Variants in CD2AP observed in about 807,000 individuals in gnomAD.
CD2AP encodes the protein CD2-associated protein.
CD2AP carries 46 observed loss-of-function variants against 85.1 expected under a neutral mutation model. The ratio of observed to expected loss-of-function variants is 0.54; its 90% confidence interval spans 0.43 to 0.69. The LOEUF (loss-of-function observed/expected upper bound fraction) is 0.69, where lower values mean the gene tolerates loss of function less well. CD2AP is among the 30% of genes least tolerant of loss of function. The pLI, the probability that CD2AP is intolerant of heterozygous loss-of-function variation, is 0.00. For missense variants in CD2AP, 769 were observed against 729.5 expected (o/e 1.05, Z -0.62); for synonymous variants, 255 against 252.9 (o/e 1.01, Z -0.08).
chr6:47,605,893 G>T lies in CD2AP; in HGVS notation c.1418-272G>T, dbSNP rs563927808. Among the ~76,000 whole-genome samples the T allele has an allele frequency of 5.9e-5, 9 of 151,828 alleles. No individual in the cohort carries two copies. The East Asian group carries it at 1.7e-3, about 29-fold the overall frequency. On this transcript the variant is annotated intron_variant, in intron 13 of 17. Coordinates refer to ENST00000359314, the MANE Select transcript of CD2AP (RefSeq NM_012120.3). ...ATTTATTTTTCACCAAGTACTTTTT[G>T]TTGAGATCTAGGTCTCTATTGGAAA...
chr6:47,582,932 G>A (rs972872972), intron 11 of CD2AP, among the ~76,000 whole-genome samples: 2 of 151,614 alleles, frequency 1.3e-5, no homozygotes, highest in South Asian at 2.1e-4. Flanking sequence ...ACAGGCACCC[G>A]CCACCACGCC....
chr6:47,600,901 A>G (rs565569613), intron 13 of CD2AP, among the ~76,000 whole-genome samples: 2 of 151,838 alleles, frequency 1.3e-5, no homozygotes, highest in Non-Finnish European at 2.9e-5. Context: ...TTAAATTTTC[A>G]CAAATTTGGG....
At chr6:47,585,784 C>G (rs907536975) in intron 11 of CD2AP, among the ~76,000 whole-genome samples, 1 of 152,174 alleles carries the variant, frequency 6.6e-6, no homozygotes, top group African/African-American at 2.4e-5. Context: ...AGGTGAAGCA[C>G]TCTTTGTAAC....
At chr6:47,490,853 G>A (rs1418678765) in intron 1 of CD2AP, among the ~76,000 whole-genome samples, 2 of 152,108 alleles carry the variant, frequency 1.3e-5, no homozygotes, top group Non-Finnish European at 2.9e-5. Flanking sequence ...GAGGAAGGGT[G>A]GGTTTTGTGT....
At chr6:47,600,106 T>G (rs1769090098) in intron 13 of CD2AP, among the ~76,000 whole-genome samples, 1 of 151,906 alleles carries the variant, frequency 6.6e-6, no homozygotes, top group African/African-American at 2.4e-5. Context: ...GTGTAGTGCT[T>G]TTTGCATTTG....
chr6:47,544,511 TTATA>T, intron 3 of CD2AP, 91 bp from the exon 4 acceptor site: 4 of 811,954 alleles, frequency 4.9e-6, no homozygotes, highest in Admixed American at 2.0e-5. Context: ...TTTTATTTAT[TTATA>T]TAAGTCCTGT....
chr6:47,495,184 CT>C (rs1765828364), intron 1 of CD2AP, among the ~76,000 whole-genome samples: 1 of 151,968 alleles, frequency 6.6e-6, no homozygotes, highest in Admixed American at 6.6e-5. Context: ...GAGAAATAGT[CT>C]TTTCAGGTGT....
intron 4 of CD2AP, among the ~76,000 whole-genome samples, chr6:47,549,723 A>G (rs2114054155): frequency 6.6e-6 from 1 of 152,236 alleles, no homozygotes; most frequent in East Asian, 1.9e-4. Flanking sequence ...TAAAATTCAT[A>G]TGGAACCAAA....
At chr6:47,623,074 G>T (rs1769808047) in intron 17 of CD2AP, among the ~76,000 whole-genome samples, 1 of 152,142 alleles carries the variant, frequency 6.6e-6, no homozygotes, top group Admixed American at 6.5e-5. Context: ...TTGAAGACAG[G>T]CTTGTTGTAG....
chr6:47,500,383 A>G (rs934095531), intron 1 of CD2AP, among the ~76,000 whole-genome samples: 3 of 152,066 alleles, frequency 2.0e-5, no homozygotes, highest in African/African-American at 7.2e-5. Flanking sequence ...TAGCTCCCTT[A>G]GGTTCTCTAG....
chr6:47,558,575 A>T (rs896025523), intron 5 of CD2AP, among the ~76,000 whole-genome samples: 2 of 152,206 alleles, frequency 1.3e-5, no homozygotes, highest in South Asian at 4.1e-4. Context: ...ATCTATTGAG[A>T]TAATTATGCA....
intron 1 of CD2AP, among the ~76,000 whole-genome samples, chr6:47,489,340 G>T (rs1231732113): frequency 6.6e-6 from 1 of 151,662 alleles, no homozygotes; most frequent in African/African-American, 2.4e-5. Flanking sequence ...ACTAATTTTT[G>T]TATTATTATT....
intron 2 of CD2AP, among the ~76,000 whole-genome samples, chr6:47,515,163 A>T (rs16869214): frequency 6.6e-6 from 1 of 152,040 alleles, no homozygotes; most frequent in Non-Finnish European, 1.5e-5. Flanking sequence ...ATAAAAAGAT[A>T]ATTAGGCAGA....
chr6:47,609,029 G>A, intron 15 of CD2AP, 94 bp from the exon 16 acceptor site: 1 of 955,312 alleles, frequency 1.0e-6, no homozygotes, highest in Non-Finnish European at 1.5e-6. Context: ...CACTTATCTT[G>A]AAGTACTTAA....
intron 17 of CD2AP, among the ~76,000 whole-genome samples, chr6:47,618,332 A>C (rs1354115015): frequency 6.6e-6 from 1 of 152,146 alleles, no homozygotes; most frequent in African/African-American, 2.4e-5. Context: ...AAAAACGAGT[A>C]GTCTTCCAAA....
intron 11 of CD2AP, 105 bp from the exon 12 acceptor site, chr6:47,595,756 A>G (rs888136123): frequency 5.3e-5 from 44 of 834,202 alleles, no homozygotes; most frequent in Non-Finnish European, 7.4e-5. Context: ...ATGAAAGTTC[A>G]TGTCTGCCTC....
chr6:47,541,606 T>G (rs533259604), intron 3 of CD2AP, among the ~76,000 whole-genome samples: 1 of 152,378 alleles, frequency 6.6e-6, no homozygotes, highest in South Asian at 2.1e-4. Context: ...ATTGGTTGCA[T>G]GTAGTGTGCT....
At chr6:47,537,916 A>AT in intron 3 of CD2AP, among the ~76,000 whole-genome samples, 1 of 151,240 alleles carries the variant, frequency 6.6e-6, no homozygotes, top group African/African-American at 2.4e-5. Context: ...CACCTGGCTA[A>AT]TTTTTTCTAT....
intron 2 of CD2AP, among the ~76,000 whole-genome samples, chr6:47,528,609 T>C (rs1766788872): frequency 6.6e-6 from 1 of 152,236 alleles, no homozygotes; most frequent in African/African-American, 2.4e-5. Flanking sequence ...AGTGCCTACT[T>C]GGTGCTACTG....
Sources: gnomAD v4.1 joint callset for allele counts (sites outside exome capture counted in the v4.1 genomes callset) on GRCh38, gnomAD v4.1.1 for gene constraint, MANE v1.5 for transcripts, NCBI Gene and HGNC (gene_info 2026-07-23, HGNC 2026-07-21) for gene names.